The following SYNE1 variants were observed in gnomAD, a reference collection of about 807,000 sequenced individuals.
The protein encoded by SYNE1 is spectrin repeat containing nuclear envelope protein 1.
A neutral mutation model predicts 1,111.0 loss-of-function variants in SYNE1; 616 were observed. The observed-to-expected ratio is 0.55, with a 90% CI of 0.52 to 0.59. The LOEUF (loss-of-function observed/expected upper bound fraction) is 0.59. SYNE1 is among the 20% of genes least tolerant of loss of function. SYNE1 has a pLI of 0.00. For synonymous variants in SYNE1, 3,855 were observed against 3,825.8 expected, an observed-to-expected ratio of 1.01 and a Z score of -0.28; for missense variants, 10,006 against 10,417.0, an observed-to-expected ratio of 0.96 and a Z score of 1.72.
chr6:152,486,259 C>T (rs567006064), intron 12 of SYNE1, among the ~76,000 whole-genome samples: 1 of 151,690 alleles, frequency 6.6e-6, no homozygotes, highest in African/African-American at 2.4e-5. Flanking sequence ...AACATCAAAT[C>T]AACTTTTAAA....
intron 49 of SYNE1, 153 bp from the exon 50 acceptor site, chr6:152,397,133 G>C (rs1042990615): frequency 2.6e-6 from 2 of 758,448 alleles, no homozygotes; most frequent in African/African-American, 1.7e-5. Context: ...CACAACCAAG[G>C]CTCCTCATTG....
chr6:152,359,629 G>GGTGTGT lies in SYNE1; in HGVS notation c.10300-177_10300-172dup, dbSNP rs57095244. On this transcript the variant is annotated intron_variant, in intron 64 of 145. Transcript: ENST00000367255. ...ACACAGATATGTGTGTGAATGCATG[G>GGTGTGT]GTGTGTGTGTGTGTGTGTGTGTGTA... 0.16 allele frequency among the ~76,000 whole-genome samples: 23,258 copies of GGTGTGT among 148,454 alleles called. 2,028 individuals are homozygous for GGTGTGT. The highest frequency in any genetic ancestry group is 0.22 in the African/African-American group (8,944 of 40,570).
chr6:152,289,902 A>T (rs533025203), intron 95 of SYNE1, among the ~76,000 whole-genome samples: 2 of 148,968 alleles, frequency 1.3e-5, no homozygotes, highest in South Asian at 4.2e-4. Context: ...CTGGGATTAC[A>T]GGCATGAGCT....
intron 133 of SYNE1, among the ~76,000 whole-genome samples, chr6:152,152,563 T>C (rs749238774): frequency 6.6e-6 from 1 of 152,200 alleles, no homozygotes; most frequent in African/African-American, 2.4e-5. Flanking sequence ...GCTGTCAATA[T>C]GGAGAAAAAG....
intron 33 of SYNE1, chr6:152,435,353 A>G (rs2098463947): frequency 6.6e-6 from 1 of 151,416 alleles, no homozygotes. Flanking sequence ...TTTTGGGTAT[A>G]TAACAGGATA....
In SYNE1 at chr6:152,234,719, C is replaced by T; in HGVS notation, c.20478G>A (p.Val6826=). 6.2e-7 allele frequency: 1 copy of T among 1,614,196 alleles called. No homozygotes were observed. Among genetic ancestry groups the T allele is most frequent in the Non-Finnish European group, 8.5e-7 (1 of 1,180,036 alleles). Residue 6826 remains valine, a synonymous_variant, in exon 111 of 146, where the codon GTG becomes GTA. Coordinates refer to ENST00000367255, the MANE Select transcript of SYNE1 (RefSeq NM_182961.4). ...DRLEFWTQQS[V]TVPQELEMVR... ...CCATTTCCAGCTCTTGTGGGACTGTCACAGATTGCTGAGTCCAAAATTCTA... is the reference window on the plus strand; with the variant it reads ...CCATTTCCAGCTCTTGTGGGACTGTTACAGATTGCTGAGTCCAAAATTCTA...
At chr6:152,234,286 T>C (rs1161152359) in intron 111 of SYNE1, among the ~76,000 whole-genome samples, 2 of 117,086 alleles carry the variant, frequency 1.7e-5, no homozygotes, top group Admixed American at 9.8e-5. Flanking sequence ...TTGACTTCCT[T>C]TCTTTTCTTT....
At chr6:152,269,929 G>A (rs140437729) in intron 98 of SYNE1, among the ~76,000 whole-genome samples, 1 of 152,252 alleles carries the variant, frequency 6.6e-6, no homozygotes, top group East Asian at 1.9e-4. Flanking sequence ...TAGAGGCAAG[G>A]AGTCTAAACA....
chr6:152,378,130 T>A (rs2154108477), intron 56 of SYNE1, among the ~76,000 whole-genome samples: 1 of 152,274 alleles, frequency 6.6e-6, no homozygotes, highest in South Asian at 2.1e-4. Flanking sequence ...CCTAGCACAC[T>A]AAGTGTCTAA....
intron 3 of SYNE1, among the ~76,000 whole-genome samples, chr6:152,545,117 T>C (rs1387612457): frequency 2.0e-5 from 3 of 152,216 alleles, no homozygotes; most frequent in Non-Finnish European, 4.4e-5. Context: ...ATATATTGAA[T>C]ACATTCTTCC....
rs747948008 is a variant in SYNE1, at chr6:152,498,774, G to A, written c.907C>T (p.Pro303Ser). The change falls in exon 11 of 146, where the codon CCA becomes TCA. Residue 303 changes from proline to serine, a missense_variant. Pro to Ser is a moderately conservative substitution (Grantham distance 74). Around this residue, in one of 7 missense-constraint regions of SYNE1, gnomAD observed 1,971 missense variants for 2,084.1 expected, o/e 0.95. Coordinates refer to ENST00000367255, the MANE Select transcript of SYNE1 (RefSeq NM_182961.4). ...TTTTGTACAGAATTTGCAAAAGATG[G>A]GAAACCTGGAAGTATTTCCTAACAA... ...QEDDEILPGF[P>S]SFANSVQNFK... 6.4e-7 allele frequency: 1 copy of A among 1,551,842 alleles called. No individual in the cohort carries two copies.
chr6:152,316,521 T>C (rs2095726856), intron 87 of SYNE1: 3 of 356,666 alleles, frequency 8.4e-6, no homozygotes, highest in Admixed American at 4.4e-5. Context: ...ATTGCATCTC[T>C]TCACAGGAAA....
At chr6:152,288,993 G>C (rs1455132804) in intron 95 of SYNE1, among the ~76,000 whole-genome samples, 2 of 152,124 alleles carry the variant, frequency 1.3e-5, no homozygotes, top group Non-Finnish European at 2.9e-5. Flanking sequence ...TTCTTTTGGG[G>C]TCATAAAAAT....
chr6:152,377,642 T>A (rs7748743), intron 56 of SYNE1, among the ~76,000 whole-genome samples: 932 of 49,130 alleles, frequency 0.019, 2 homozygotes, highest in Non-Finnish European at 0.027. Context: ...AAAAAAAAAA[T>A]ATATATATAT....
intron 90 of SYNE1, among the ~76,000 whole-genome samples, 172 bp downstream of exon 90, chr6:152,309,663 T>C (rs545379903): frequency 1.3e-5 from 2 of 152,346 alleles, no homozygotes; most frequent in Admixed American, 1.3e-4. Context: ...CCCCAGGCTT[T>C]TGTGGGTGAT....
intron 93 of SYNE1, among the ~76,000 whole-genome samples, chr6:152,296,829 T>C (rs891611923): frequency 1.3e-5 from 2 of 151,536 alleles, no homozygotes; most frequent in African/African-American, 2.5e-5. Context: ...CATTGCCTCA[T>C]TTATGTGGAG....
chr6:152,417,142 C>A, intron 40 of SYNE1, 127 bp from the exon 41 acceptor site: 1 of 1,357,806 alleles, frequency 7.4e-7, no homozygotes, highest in Non-Finnish European at 1.0e-6. Context: ...TAAAGGTCAT[C>A]TACAGTGAAT....
At chr6:152,403,683 C>T (rs1396380192) in intron 46 of SYNE1, among the ~76,000 whole-genome samples, 2 of 152,104 alleles carry the variant, frequency 1.3e-5, no homozygotes, top group African/African-American at 4.8e-5. Flanking sequence ...GATTGCACCA[C>T]TGCACTCCAC....
intron 59 of SYNE1, among the ~76,000 whole-genome samples, chr6:152,369,982 CAAAAAAAAAAAAAA>C (rs778013525): frequency 1.0e-4 from 5 of 49,986 alleles, no homozygotes; most frequent in Non-Finnish European, 1.3e-4. Context: ...GACTCTGTCT[CAAAAAAAAAAAAAA>C]AAAAAAAAAA....
Sources: gnomAD v4.1 joint callset for allele counts (sites outside exome capture counted in the v4.1 genomes callset) on GRCh38, gnomAD v4.1.1 for gene constraint, gnomAD v4.1.1 regional missense constraint, MANE v1.5 for transcripts, NCBI Gene and HGNC (gene_info 2026-07-23, HGNC 2026-07-21) for gene names.